Variants in SLC22A2 observed in about 807,000 individuals in gnomAD.
SLC22A2 encodes the protein organic cation transporter 2.
A neutral mutation model predicts 60.5 loss-of-function variants in SLC22A2; 46 were observed. The ratio of observed to expected loss-of-function variants is 0.76; its 90% CI spans 0.60 to 0.97. SLC22A2 has a LOEUF of 0.97. Ranked by LOEUF, SLC22A2 falls within the 50% of genes least tolerant of loss-of-function variation. The pLI is 0.00. For missense variants in SLC22A2, 701 were observed against 706.6 expected, an observed-to-expected ratio of 0.99 and a Z score of 0.09; for synonymous variants, 303 against 267.0, an observed-to-expected ratio of 1.13 and a Z score of -1.31.
In SLC22A2 at chr6:160,242,461, T is replaced by C. The variant is rs550155595; in HGVS notation, c.1280-59A>G. On this transcript the variant is annotated intron_variant, in intron 7 of 10. Transcript: ENST00000366953. ...CAGATGATTCCTCATCTTCAGACAG[T>C]GCTCCAGAGTGGGACTGTAAGGACA... The C allele has an allele frequency of 3.4e-5, 33 of 973,766 alleles. No individual in the cohort carries two copies. The East Asian group carries it at 7.6e-4, about 23-fold the overall frequency. 60.3% of individuals were successfully genotyped at this position (973,766 alleles called of 1,614,324 possible). A position where few individuals can be genotyped will look rare whatever the true frequency, so the allele number is the denominator to read the frequency against.
At chr6:160,242,427 AT>A in intron 7 of SLC22A2, 25 bp from the exon 8 acceptor site, 3 of 1,205,722 alleles carry the variant, frequency 2.5e-6, no homozygotes, top group Non-Finnish European at 3.7e-6. Flanking sequence ...AACAGTACTT[AT>A]CCGTACACAG....
chr6:160,236,704 G>A (rs1314476087), intron 9 of SLC22A2, among the ~76,000 whole-genome samples: 1 of 152,096 alleles, frequency 6.6e-6, no homozygotes, highest in Non-Finnish European at 1.5e-5. Flanking sequence ...ATCATACCTT[G>A]TCTACATAGT....
intron 9 of SLC22A2, among the ~76,000 whole-genome samples, chr6:160,228,925 C>G (rs1782772274): frequency 6.6e-6 from 1 of 151,874 alleles, no homozygotes; most frequent in South Asian, 2.1e-4. Flanking sequence ...TATAAAACGG[C>G]CCCACCCCTA....
chr6:160,218,784 C>A lies in SLC22A2; in HGVS notation c.1602-1286G>T, dbSNP rs1782585129. 2.9e-4 allele frequency among the ~76,000 whole-genome samples: 3 copies of A among 10,206 alleles called. No individual in the cohort carries two copies. In the South Asian group the frequency reaches 6.6e-3, roughly 22 times the overall value. 6.7% of individuals were successfully genotyped at this position (10,206 alleles called of 152,430 possible). A position where few individuals can be genotyped will look rare whatever the true frequency, so the allele number is the denominator to read the frequency against. ...CCAACAATAGCAACAACAGCAGCAA[C>A]AATTTTAGCAATAGCAGCAACAATA... On this transcript the variant is annotated intron_variant, in intron 10 of 10. Transcript: ENST00000366953.
chr6:160,247,922 G>T, intron 4 of SLC22A2, among the ~76,000 whole-genome samples: 1 of 152,280 alleles, frequency 6.6e-6, no homozygotes, highest in Admixed American at 6.5e-5. Context: ...TAATAGGGCT[G>T]CTGCTGTGGC....
intron 5 of SLC22A2, among the ~76,000 whole-genome samples, chr6:160,245,825 G>C (rs1456946777): frequency 6.8e-6 from 1 of 147,110 alleles, no homozygotes; most frequent in African/African-American, 2.5e-5. Flanking sequence ...AGCCTCCTGA[G>C]TAGCTGGGAT....
Position 160,243,598 on chromosome 6 carries a change from C to A in SLC22A2, c.1253G>T (p.Cys418Phe), listed in dbSNP as rs755035249. The stretch of plus-strand genomic sequence containing the variant: ...ACCAGGTATAAAAACTGAGGCCAGA[C>A]AGGCTGCCCCTGCAACCATATTTGA... The part of the protein sequence containing the change: ...AASNMVAGAA[C>F]LASVFIPGDL... Residue 418 changes from cysteine to phenylalanine, a missense_variant, in exon 7 of 11, where the codon TGT (cysteine) becomes TTT (phenylalanine). Transcript: ENST00000366953. 1 of 1,613,878 alleles carries A rather than the reference C, an allele frequency of 6.2e-7. No individual in the cohort carries two copies. The highest frequency in any genetic ancestry group is 1.7e-5 in the Admixed American group (1 of 60,016).
intron 9 of SLC22A2, among the ~76,000 whole-genome samples, chr6:160,231,180 C>T (rs977951155): frequency 6.6e-6 from 1 of 151,908 alleles, no homozygotes; most frequent in Non-Finnish European, 1.5e-5. Context: ...AATTCCCCCA[C>T]TCTGGTGCCA....
chr6:160,217,370 T>C lies in SLC22A2; in HGVS notation c.*62A>G. 1 of 1,070,082 alleles carries C rather than the reference T, an allele frequency of 9.3e-7. No homozygotes were observed. Among genetic ancestry groups the C allele is most frequent in the South Asian group, 1.3e-5 (1 of 74,540 alleles). 66.3% of individuals were successfully genotyped at this position (1,070,082 alleles called of 1,614,324 possible). On this transcript the variant is annotated 3_prime_UTR_variant, in exon 11 of 11. Transcript: ENST00000366953. ...ATGGGCTTTGTGATGAGTGCAGGGA[T>C]TTCTACTTTTGGTCTTGCTGCCATC...
intron 9 of SLC22A2, among the ~76,000 whole-genome samples, chr6:160,237,505 T>C (rs1782929006): frequency 1.3e-5 from 2 of 152,166 alleles, no homozygotes; most frequent in African/African-American, 4.8e-5. Flanking sequence ...ATACTGATGC[T>C]TTCTGACTGA....
intron 10 of SLC22A2, among the ~76,000 whole-genome samples, chr6:160,223,369 AT>A (rs971406016): frequency 1.3e-5 from 2 of 152,106 alleles, no homozygotes; most frequent in African/African-American, 4.8e-5. Flanking sequence ...GTTCTTGTAT[AT>A]TTTTCCAGAG....
intron 9 of SLC22A2, among the ~76,000 whole-genome samples, chr6:160,232,754 A>G (rs1185189584): frequency 6.6e-6 from 1 of 151,876 alleles, no homozygotes; most frequent in African/African-American, 2.4e-5. Context: ...GCTTATGCTG[A>G]TAAGGTAGCT....
At position 160,247,423 on chromosome 6, in the gene SLC22A2, G is replaced by T. The variant is rs199999997; in HGVS notation, c.843-125C>A. ...TGGATCTCCAAAGAAAATAACACTC[G>T]TGTAGGGGGATATGTGGTTCTTTCC... On this transcript the variant is annotated intron_variant, in intron 4 of 10. Coordinates refer to ENST00000366953, the MANE Select transcript of SLC22A2 (RefSeq NM_003058.4). 8 of 605,188 alleles carry T rather than the reference G, an allele frequency of 1.3e-5. No homozygotes were observed. In the East Asian group the frequency reaches 2.0e-4, roughly 15 times the overall value. The allele number at this position is 605,188 out of a possible 1,614,324, so 37.5% of individuals were successfully genotyped here.
intron 9 of SLC22A2, among the ~76,000 whole-genome samples, chr6:160,225,909 T>C (rs927505067): frequency 1.3e-5 from 2 of 150,880 alleles, no homozygotes; most frequent in Non-Finnish European, 2.9e-5. Flanking sequence ...GAACTAACTT[T>C]GGGAGAAACT....
intron 7 of SLC22A2, among the ~76,000 whole-genome samples, chr6:160,243,249 C>T (rs562635496): frequency 6.6e-6 from 1 of 152,098 alleles, no homozygotes; most frequent in South Asian, 2.1e-4. Context: ...CAGTTAACAC[C>T]CAGGAAGGGC....
intron 9 of SLC22A2, among the ~76,000 whole-genome samples, chr6:160,225,549 T>G (rs906078344): frequency 2.0e-5 from 3 of 152,170 alleles, no homozygotes; most frequent in Non-Finnish European, 4.4e-5. Context: ...TCCCAAGCTC[T>G]GAGGGCCTGG....
intron 9 of SLC22A2, among the ~76,000 whole-genome samples, chr6:160,237,472 C>CA (rs1458564293): frequency 6.6e-6 from 1 of 152,158 alleles, no homozygotes; most frequent in African/African-American, 2.4e-5. Context: ...TGTCAGAACT[C>CA]AGAGTTATGA....
chr6:160,245,694 A>ATTTTTT (rs11422120), intron 5 of SLC22A2, 149 bp from the exon 6 acceptor site: 36 of 163,900 alleles, frequency 2.2e-4, no homozygotes, highest in Non-Finnish European at 2.8e-4. Context: ...GTCCCATTTC[A>ATTTTTT]TTTTTTTTTT....
intron 9 of SLC22A2, among the ~76,000 whole-genome samples, chr6:160,238,596 G>A (rs1487243714): frequency 6.6e-6 from 1 of 152,120 alleles, no homozygotes; most frequent in Non-Finnish European, 1.5e-5. Flanking sequence ...TCGTTTTATG[G>A]CTATTTCAAG....
Sources: gnomAD v4.1 joint callset for allele counts (sites outside exome capture counted in the v4.1 genomes callset) on GRCh38, gnomAD v4.1.1 for gene constraint, MANE v1.5 for transcripts, NCBI Gene and HGNC (gene_info 2026-07-23, HGNC 2026-07-21) for gene names.